The following ERLEC1 variants were observed in gnomAD, a reference collection of about 807,000 sequenced individuals.
ERLEC1 encodes the protein ER lectin.
Under a neutral mutation model 68.0 loss-of-function variants are expected in ERLEC1, and 47 were observed. That is an observed-to-expected ratio of 0.69 (90% CI 0.55 to 0.88). The LOEUF is 0.88. ERLEC1 is among the 40% of genes least tolerant of loss of function. ERLEC1 has a pLI of 0.00. For synonymous variants in ERLEC1, 225 were observed against 203.2 expected (o/e 1.11, Z -0.91); for missense variants, 567 against 583.8 (o/e 0.97, Z 0.30).
intron 8 of ERLEC1, among the ~76,000 whole-genome samples, chr2:53,803,272 TAGG>T (rs1322754944): frequency 1.3e-5 from 2 of 152,222 alleles, no homozygotes; most frequent in African/African-American, 4.8e-5. Flanking sequence ...GTCATTCTGA[TAGG>T]AGGAAAATGT....
intron 9 of ERLEC1, among the ~76,000 whole-genome samples, chr2:53,808,830 T>C (rs1172311797): frequency 6.6e-6 from 1 of 152,208 alleles, no homozygotes; most frequent in East Asian, 1.9e-4. Flanking sequence ...GGTCTCACTG[T>C]GTTACCCAGG....
At chr2:53,800,995 A>G (rs1675973501) in intron 6 of ERLEC1, among the ~76,000 whole-genome samples, 2 of 152,154 alleles carry the variant, frequency 1.3e-5, no homozygotes, top group Non-Finnish European at 2.9e-5. Context: ...AAACTCTAAT[A>G]TAGCCATTTA....
At chr2:53,801,661 A>G (rs555612927) in intron 7 of ERLEC1, 41 bp downstream of exon 7, 5 of 1,613,026 alleles carry the variant, frequency 3.1e-6, no homozygotes, top group Middle Eastern at 1.6e-4. Flanking sequence ...AAATGCACAC[A>G]TGCTTTAAAG....
intron 10 of ERLEC1, among the ~76,000 whole-genome samples, chr2:53,812,031 C>T (rs1040885347): frequency 1.3e-5 from 2 of 152,144 alleles, no homozygotes; most frequent in African/African-American, 4.8e-5. Context: ...GATTCTCCTG[C>T]CTCAGCCTCC....
intron 13 of ERLEC1, 60 bp downstream of exon 13, chr2:53,814,995 C>CTTTTTTTTTTTTTTTTTTTTTTTTT (rs777632156): frequency 3.4e-5 from 16 of 470,068 alleles, no homozygotes; most frequent in South Asian, 7.6e-5. Flanking sequence ...ATTTTTTTTT[C>CTTTTTTTTTTTTTTTTTTTTTTTTT]TTTTTTTTTT....
At chr2:53,809,981 G>T (rs1386205495) in intron 10 of ERLEC1, among the ~76,000 whole-genome samples, 1 of 152,120 alleles carries the variant, frequency 6.6e-6, no homozygotes, top group African/African-American at 2.4e-5. Context: ...AACCTGGGAG[G>T]CAGAGGTTGC....
At chr2:53,790,015 C>CA (rs751868369) in intron 1 of ERLEC1, among the ~76,000 whole-genome samples, 11,829 of 85,722 alleles carry the variant, frequency 0.14, 731 homozygotes, top group East Asian at 0.38. Flanking sequence ...GAGTCTGTCT[C>CA]AAAAAAAAAA....
At position 53,799,176 on chromosome 2, in the gene ERLEC1, C is replaced by A. The variant is rs543995117; in HGVS notation, c.525+95C>A. On this transcript the variant is annotated intron_variant, in intron 6 of 13. Transcript: ENST00000185150. ...AAGTGACAGAATATATCTTTATGTT[C>A]TTATTCTTCATCTATCAAATACCTT... is the stretch of plus-strand genomic sequence containing the variant. 77 of 1,039,118 alleles carry A rather than the reference C, an allele frequency of 7.4e-5. 1 individual carries two copies. The South Asian group carries it at 1.2e-3, about 16-fold the overall frequency. The allele number at this position is 1,039,118 out of a possible 1,614,324, so 64.4% of individuals were successfully genotyped here.
In ERLEC1 at chr2:53,787,346, A is replaced by T; in HGVS notation, c.136A>T (p.Asn46Tyr). Residue 46 changes from asparagine (N) to tyrosine (Y), a missense_variant, in exon 1 of 14, where the codon AAC becomes TAC. By Grantham distance (143) the Asn-to-Tyr change is moderately radical. Coordinates refer to ENST00000185150, the MANE Select transcript of ERLEC1 (RefSeq NM_015701.5). The stretch of plus-strand genomic sequence containing the variant: ...CAGCGATGACATCCCTTTCCGAGTC[A>T]ACTGGCCCGGCACCGAGTTCTCTCT... Reference protein sequence around the residue: ...QLSDDIPFRVNWPGTEFSLPT... With the variant: ...QLSDDIPFRVYWPGTEFSLPT... 4 of 1,611,896 alleles carry T rather than the reference A, an allele frequency of 2.5e-6. No homozygotes were observed. In the South Asian group the frequency reaches 4.4e-5, roughly 18 times the overall value.
In ERLEC1 at chr2:53,787,401, C is replaced by G; in HGVS notation, c.162+29C>G. 5 of 1,590,010 alleles carry G rather than the reference C, an allele frequency of 3.1e-6. No individual in the cohort carries two copies. The South Asian group carries it at 5.6e-5, about 18-fold the overall frequency. ...AGTGCCCTCACTAACCCCGCAGCCA[C>G]CCCTCCTCCTGACACTAAGGGTTCG... On this transcript the variant is annotated intron_variant, in intron 1 of 13. Transcript: ENST00000185150.
intron 10 of ERLEC1, 73 bp from the exon 11 acceptor site, chr2:53,812,876 G>C (rs74504425): frequency 2.6e-6 from 4 of 1,513,460 alleles, no homozygotes; most frequent in Middle Eastern, 1.7e-4. Context: ...TTACAAGAAG[G>C]TCAGGTCATC....
intron 1 of ERLEC1, among the ~76,000 whole-genome samples, chr2:53,791,738 T>C (rs1032721110): frequency 6.6e-6 from 1 of 152,112 alleles, no homozygotes. Flanking sequence ...CTTTTTACAT[T>C]TGAAGCATTT....
chr2:53,793,270 AT>A (rs1675508774), intron 1 of ERLEC1, among the ~76,000 whole-genome samples: 2 of 152,304 alleles, frequency 1.3e-5, no homozygotes, highest in African/African-American at 2.4e-5. Context: ...TGAAGTGTTT[AT>A]TTGAATTCTG....
intron 3 of ERLEC1, 67 bp from the exon 4 acceptor site, chr2:53,797,448 A>G: frequency 4.2e-6 from 5 of 1,197,838 alleles, no homozygotes; most frequent in Middle Eastern, 2.2e-4. Context: ...AGCTGCTTCA[A>G]ATATCAGAAA....
intron 1 of ERLEC1, among the ~76,000 whole-genome samples, chr2:53,787,853 C>G (rs1187681314): frequency 6.6e-6 from 1 of 152,226 alleles, no homozygotes; most frequent in Non-Finnish European, 1.5e-5. Flanking sequence ...TACGCAAACG[C>G]ACAGCTCCAA....
At chr2:53,813,181 T>C (rs765830102) in intron 11 of ERLEC1, 108 bp downstream of exon 11, 131 of 1,347,150 alleles carry the variant, frequency 9.7e-5, no homozygotes, top group Non-Finnish European at 1.3e-4. Context: ...CCTGTTTAGT[T>C]TTTTTCAAGG....
chr2:53,811,067 A>C (rs1676568761), intron 10 of ERLEC1, among the ~76,000 whole-genome samples: 1 of 152,198 alleles, frequency 6.6e-6, no homozygotes, highest in Non-Finnish European at 1.5e-5. Flanking sequence ...AGATCTTGGT[A>C]TAACTTTTTT....
chr2:53,793,688 C>T (rs1374652481), intron 1 of ERLEC1, among the ~76,000 whole-genome samples: 1 of 151,554 alleles, frequency 6.6e-6, no homozygotes, highest in Non-Finnish European at 1.5e-5. Flanking sequence ...CTAAAGTAGT[C>T]CTCCCACCTC....
At chr2:53,815,710 T>A (rs574866355) in intron 13 of ERLEC1, among the ~76,000 whole-genome samples, 31 of 152,342 alleles carry the variant, frequency 2.0e-4, no homozygotes, top group African/African-American at 7.5e-4. Flanking sequence ...TGTAACACTT[T>A]TTTTTGGTGG....
Sources: gnomAD v4.1 joint callset for allele counts (sites outside exome capture counted in the v4.1 genomes callset) on GRCh38, gnomAD v4.1.1 for gene constraint, MANE v1.5 for transcripts, NCBI Gene and HGNC (gene_info 2026-07-23, HGNC 2026-07-21) for gene names.